Variants in FOCAD observed in about 807,000 individuals in gnomAD.
FOCAD encodes the protein focadhesin, also known as KIAA1797.
FOCAD carries 198 observed loss-of-function variants against 225.6 expected under a neutral mutation model. The ratio of observed to expected loss-of-function variants is 0.88; its 90% CI spans 0.78 to 0.99. The LOEUF (loss-of-function observed/expected upper bound fraction) is 0.99. FOCAD is among the 50% of genes least tolerant of loss of function. The probability of loss-of-function intolerance (pLI) is 0.00; values close to 1 mark genes in which losing one functional copy is unlikely to be tolerated. For synonymous variants in FOCAD, 897 were observed against 755.0 expected (o/e 1.19, Z -3.08); for missense variants, 2,713 against 2,123.6 (o/e 1.28, Z -5.46).
chr9:20,856,280 T>A (rs1828174533), intron 15 of FOCAD, among the ~76,000 whole-genome samples: 2 of 152,004 alleles, frequency 1.3e-5, no homozygotes, highest in Non-Finnish European at 2.9e-5. Context: ...GTCATTTGGA[T>A]AAAAAGCATT....
At chr9:20,893,269 A>G (rs1831785228) in intron 21 of FOCAD, among the ~76,000 whole-genome samples, 2 of 152,140 alleles carry the variant, frequency 1.3e-5, no homozygotes, top group African/African-American at 4.8e-5. Flanking sequence ...AGATTATAGT[A>G]TAGTGTAAGC....
intron 15 of FOCAD, among the ~76,000 whole-genome samples, chr9:20,825,390 G>T (rs893974089): frequency 6.6e-6 from 1 of 152,038 alleles, no homozygotes; most frequent in Non-Finnish European, 1.5e-5. Context: ...TGTGAAGCGT[G>T]ATGTAGTCAA....
intron 21 of FOCAD, among the ~76,000 whole-genome samples, chr9:20,894,309 T>C (rs1404966043): frequency 6.6e-6 from 1 of 152,182 alleles, no homozygotes; most frequent in East Asian, 1.9e-4. Flanking sequence ...TTCCAAGTTT[T>C]AGCAAATATG....
chr9:20,727,616 C>T (rs1275085770), intron 4 of FOCAD, among the ~76,000 whole-genome samples: 1 of 152,134 alleles, frequency 6.6e-6, no homozygotes, highest in East Asian at 1.9e-4. Context: ...CTGTTTATCT[C>T]TTTCATATAG....
chr9:20,914,224 T>C (rs370816373), intron 23 of FOCAD, among the ~76,000 whole-genome samples: 1 of 152,196 alleles, frequency 6.6e-6, no homozygotes, highest in African/African-American at 2.4e-5. Context: ...TCACTTGATT[T>C]ATTATTTCAA....
chr9:20,843,946 G>A (rs1352217997), intron 15 of FOCAD, among the ~76,000 whole-genome samples: 1 of 152,030 alleles, frequency 6.6e-6, no homozygotes, highest in Non-Finnish European at 1.5e-5. Flanking sequence ...ATTAAAAGAG[G>A]GTTTGATTCT....
intron 5 of FOCAD, among the ~76,000 whole-genome samples, chr9:20,746,577 A>G (rs1191434171): frequency 6.6e-6 from 1 of 152,202 alleles, no homozygotes; most frequent in African/African-American, 2.4e-5. Context: ...GCTCTTTGCC[A>G]TGTTTGCATT....
Position 20,951,154 on chromosome 9 carries a change from G to A in FOCAD, c.4051+56G>A, listed in dbSNP as rs747375040. 494 of 1,327,736 alleles carry A rather than the reference G, an allele frequency of 3.7e-4. 1 individual carries two copies. Among genetic ancestry groups the A allele is most frequent in the Middle Eastern group, 2.4e-3 (13 of 5,478 alleles). 82.2% of individuals were successfully genotyped at this position (1,327,736 alleles called of 1,614,324 possible). On this transcript the variant is annotated intron_variant, in intron 34 of 43. Transcript: ENST00000338382. ...GGAAGGGAGGGATTGCCGACCCAGCGCTCTGTAGTTTGTTAAGAGCATTAA... is the reference window on the plus strand; with the variant it reads ...GGAAGGGAGGGATTGCCGACCCAGCACTCTGTAGTTTGTTAAGAGCATTAA...
At chr9:20,919,503 A>G (rs10811427) in intron 24 of FOCAD, among the ~76,000 whole-genome samples, 53,880 of 152,032 alleles carry the variant, frequency 0.35, 9,986 homozygotes, top group East Asian at 0.43. Flanking sequence ...CACATCACCA[A>G]GTCAATCCTA....
intron 11 of FOCAD, among the ~76,000 whole-genome samples, chr9:20,808,779 C>T (rs1455064629): frequency 1.3e-5 from 2 of 152,140 alleles, no homozygotes; most frequent in Non-Finnish European, 2.9e-5. Context: ...GGTGCTGTGG[C>T]CGGCTTAGCT....
rs1271974916 is a variant in FOCAD at position 20,819,778 on chromosome 9, T to C, written c.1456-18T>C. 1.4e-6 allele frequency: 2 copies of C among 1,413,228 alleles called. No individual in the cohort carries two copies. The highest frequency in any genetic ancestry group is 2.3e-4 in the Middle Eastern group (1 of 4,374). The allele number at this position is 1,413,228 out of a possible 1,614,324, so 87.5% of individuals were successfully genotyped here. A position where few individuals can be genotyped will look rare whatever the true frequency, so the allele number is the denominator to read the frequency against. On this transcript the variant is annotated intron_variant, in intron 11 of 43. Coordinates refer to ENST00000338382, the MANE Select transcript of FOCAD (RefSeq NM_001375567.1). ...TTGTAACAAGGCATATTTAATATAT[T>C]TTAAAAATTCATTTTAGGTGCCAAA...
At chr9:20,800,872 T>G (rs1195414947) in intron 11 of FOCAD, among the ~76,000 whole-genome samples, 1 of 152,186 alleles carries the variant, frequency 6.6e-6, no homozygotes, top group Non-Finnish European at 1.5e-5. Context: ...TCCATCCAGC[T>G]TTGTTCTGTT....
chr9:20,876,494 C>G (rs1233317778), intron 19 of FOCAD, among the ~76,000 whole-genome samples: 1 of 152,102 alleles, frequency 6.6e-6, no homozygotes, highest in Non-Finnish European at 1.5e-5. Context: ...ATGTGCAGTG[C>G]TATGATGGCT....
At position 20,821,143 on chromosome 9, in the gene FOCAD, C is replaced by T. The variant is rs1330025179; in HGVS notation, c.1793+72C>T. The T allele has an allele frequency of 2.8e-6, 4 of 1,429,012 alleles. No individual in the cohort carries two copies. The African/African-American group carries it at 4.4e-5, about 16-fold the overall frequency. The allele number at this position is 1,429,012 out of a possible 1,614,324, so 88.5% of individuals were successfully genotyped here. On this transcript the variant is annotated intron_variant, in intron 14 of 43. Transcript: ENST00000338382. ...TTGTATTTAATTTTTTAATTGCAAG[C>T]AAGAGGCAAGAAAAGATAGGCAGAG...
intron 15 of FOCAD, among the ~76,000 whole-genome samples, chr9:20,835,890 G>T (rs1255590977): frequency 6.6e-6 from 1 of 152,038 alleles, no homozygotes; most frequent in Non-Finnish European, 1.5e-5. Context: ...GTATGATTGA[G>T]CAATAGATAA....
At chr9:20,759,920 T>C (rs968355528) in intron 6 of FOCAD, among the ~76,000 whole-genome samples, 2 of 152,224 alleles carry the variant, frequency 1.3e-5, no homozygotes, top group African/African-American at 4.8e-5. Flanking sequence ...AAAGTATTAC[T>C]GCCAAGTGGG....
At chr9:20,929,654 T>C (rs572302978) in intron 27 of FOCAD, 58 bp downstream of exon 27, 2 of 1,314,496 alleles carry the variant, frequency 1.5e-6, no homozygotes, top group Non-Finnish European at 2.2e-6. Context: ...CAAAGGATTT[T>C]GCACCCATAT....
At chr9:20,833,022 C>T (rs905673822) in intron 15 of FOCAD, among the ~76,000 whole-genome samples, 4 of 151,994 alleles carry the variant, frequency 2.6e-5, no homozygotes, top group African/African-American at 7.2e-5. Context: ...TGTATATACC[C>T]AGAAGAGGGA....
chr9:20,752,976 A>G (rs1306786586), intron 5 of FOCAD, among the ~76,000 whole-genome samples: 4 of 150,434 alleles, frequency 2.7e-5, no homozygotes, highest in East Asian at 2.0e-4. Context: ...TTGTTGGTGT[A>G]TAAGAATGCT....
Sources: gnomAD v4.1 joint callset for allele counts (sites outside exome capture counted in the v4.1 genomes callset) on GRCh38, gnomAD v4.1.1 for gene constraint, MANE v1.5 for transcripts, NCBI Gene and HGNC (gene_info 2026-07-23, HGNC 2026-07-21) for gene names.